DOC2B: variants seen among roughly 807,000 people sequenced by gnomAD.
DOC2B encodes double C2 domain beta.
A neutral mutation model predicts 28.9 loss-of-function variants in DOC2B; 21 were observed. The observed-to-expected ratio is 0.73, with a 90% CI of 0.52 to 1.05. The LOEUF is 1.05. DOC2B is among the 50% of genes least tolerant of loss of function. The pLI is 0.00. For missense variants in DOC2B, 384 were observed against 421.1 expected (o/e 0.91, Z 0.77); for synonymous variants, 194 against 178.1 (o/e 1.09, Z -0.71).
At chr17:177,906 CGGTCCTG>C (rs2040389215) in intron 1 of DOC2B, among the ~76,000 whole-genome samples, 1 of 152,252 alleles carries the variant, frequency 6.6e-6, no homozygotes, top group Admixed American at 6.5e-5. Context: ...GCACAGGCAT[CGGTCCTG>C]ACCCGGTCCT....
At chr17:177,084 A>AAG (rs958555594) in intron 1 of DOC2B, among the ~76,000 whole-genome samples, 1 of 149,062 alleles carries the variant, frequency 6.7e-6, no homozygotes, top group Non-Finnish European at 1.5e-5. Flanking sequence ...CTTTAAAAAA[A>AAG]ACAAAACAAT....
chr17:156,501 G>A (rs947945230), intron 5 of DOC2B, 124 bp from the exon 6 acceptor site: 1 of 1,044,366 alleles, frequency 9.6e-7, no homozygotes, highest in Non-Finnish European at 1.4e-6. Context: ...GGTCCCTGGT[G>A]AGTGGCCTCA....
intron 5 of DOC2B, among the ~76,000 whole-genome samples, chr17:158,264 GC>G (rs925676268): frequency 2.0e-5 from 3 of 151,584 alleles, no homozygotes; most frequent in Non-Finnish European, 4.4e-5. Context: ...TAGGCCCTCA[GC>G]CCCCCCAGAC....
Position 158,026 on chromosome 17 carries a change from C to T in DOC2B, c.766-1649G>A, listed in dbSNP as rs532757944. Among the ~76,000 whole-genome samples, 17 of 152,296 alleles carry T rather than the reference C, an allele frequency of 1.1e-4. 1 individual carries two copies. In the East Asian group the frequency reaches 2.3e-3, roughly 21 times the overall value. On this transcript the variant is annotated intron_variant, in intron 5 of 8. Transcript: ENST00000613549. ...GGATGTGGCTCCCTCAGGAGAACCC[C>T]GAAGACAGAGTTCTGGTACATTCCT...
chr17:163,911 C>A (rs1308638133), intron 3 of DOC2B, among the ~76,000 whole-genome samples: 1 of 152,196 alleles, frequency 6.6e-6, no homozygotes, highest in Non-Finnish European at 1.5e-5. Context: ...CTCGTGAGGT[C>A]CCCAGGAGGC....
chr17:172,421 C>A, intron 2 of DOC2B, 116 bp downstream of exon 2: 2 of 814,418 alleles, frequency 2.5e-6, no homozygotes, highest in Admixed American at 5.3e-5. Context: ...CCACACAGCG[C>A]AGACATCCAA....
chr17:149,272 C>T lies in DOC2B; in HGVS notation c.924-80G>A, dbSNP rs1047404023. ...ATCAAGCCAGCAGGTATTCAAAGAG[C>T]TTTCTGTCCCTGGAGAGAGATTCCT... On this transcript the variant is annotated intron_variant, in intron 6 of 8. Transcript: ENST00000613549. 4.8e-5 allele frequency: 19 copies of T among 398,746 alleles called. No individual in the cohort carries two copies. The South Asian group carries it at 1.5e-3, about 32-fold the overall frequency. The allele number at this position is 398,746 out of a possible 1,614,324, so 24.7% of individuals were successfully genotyped here.
intron 5 of DOC2B, among the ~76,000 whole-genome samples, chr17:158,344 T>C (rs1233451165): frequency 1.3e-5 from 2 of 151,934 alleles, no homozygotes; most frequent in African/African-American, 4.8e-5. Flanking sequence ...CCCTTAGGAC[T>C]CTACCAGGCT....
intron 1 of DOC2B, among the ~76,000 whole-genome samples, 193 bp from the exon 2 acceptor site, chr17:172,809 A>G (rs1204424385): frequency 6.6e-6 from 1 of 152,068 alleles, no homozygotes; most frequent in African/African-American, 2.4e-5. Flanking sequence ...AAGTCACAAT[A>G]ATCTCCCCAC....
At chr17:155,717 G>A (rs2040126412) in intron 6 of DOC2B, among the ~76,000 whole-genome samples, 2 of 152,206 alleles carry the variant, frequency 1.3e-5, no homozygotes, top group South Asian at 2.1e-4. Context: ...ACCTGGCATG[G>A]CCCCCTGAGT....
At chr17:154,490 C>T (rs1223314704) in intron 6 of DOC2B, among the ~76,000 whole-genome samples, 2 of 152,238 alleles carry the variant, frequency 1.3e-5, no homozygotes, top group African/African-American at 4.8e-5. Flanking sequence ...CAGGGACAGA[C>T]TTCATTTGTG....
At chr17:155,354 G>C (rs2040122602) in intron 6 of DOC2B, among the ~76,000 whole-genome samples, 1 of 152,138 alleles carries the variant, frequency 6.6e-6, no homozygotes, top group Non-Finnish European at 1.5e-5. Flanking sequence ...CCCTAGAGCT[G>C]TGCCACGAGG....
At position 147,350 on chromosome 17, in the gene DOC2B, G is replaced by A. The variant is rs2040026910; in HGVS notation, c.*91C>T. ...AGGGGTTCTGGATCTCCCCCAGTGT[G>A]GGGGCCACAGGCCTTGGTGGCTGCT... On this transcript the variant is annotated 3_prime_UTR_variant, in exon 9 of 9. Transcript: ENST00000613549. The A allele has an allele frequency of 5.0e-6, 2 of 398,096 alleles. No homozygotes were observed. The highest frequency in any genetic ancestry group is 8.9e-6 in the Non-Finnish European group (2 of 225,786). The allele number at this position is 398,096 out of a possible 1,614,324, so 24.7% of individuals were successfully genotyped here. A position where few individuals can be genotyped will look rare whatever the true frequency, so the allele number is the denominator to read the frequency against.
chr17:158,976 G>A (rs918484314), intron 5 of DOC2B, among the ~76,000 whole-genome samples: 7 of 150,488 alleles, frequency 4.7e-5, no homozygotes, highest in South Asian at 4.2e-4. Flanking sequence ...CCCGGGAGGC[G>A]GAGGTTGAAG....
Position 181,119 on chromosome 17 carries a change from A to G in DOC2B, c.361T>C (p.Ser121Pro). ...GTGGGAAACTTACTGCAGTCGTCCG[A>G]CTCGTAGCCGTCGGCGTCCGGCTCG... The part of the protein sequence containing the change: ...EDEPDADGYE[S>P]DDCTALGTLD... Residue 121 changes from serine to proline, a missense_variant, in exon 1 of 9, where the codon TCG (serine) becomes CCG (proline). Transcript: ENST00000613549. This position sits in a 1 kb window ranked among gnomAD's most constrained non-coding sequence, Gnocchi z 7.0. The G allele has an allele frequency of 8.0e-7, 1 of 1,250,680 alleles. No individual in the cohort carries two copies. Among genetic ancestry groups the G allele is most frequent in the East Asian group, 3.2e-5 (1 of 31,048 alleles). 77.5% of individuals were successfully genotyped at this position (1,250,680 alleles called of 1,614,324 possible).
chr17:148,439 G>A (rs1242843293), intron 7 of DOC2B, among the ~76,000 whole-genome samples, 170 bp from the exon 8 acceptor site: 2 of 152,024 alleles, frequency 1.3e-5, no homozygotes, highest in African/African-American at 2.4e-5. Flanking sequence ...AGCTCCACTG[G>A]GGTCTTCAGG....
At chr17:150,091 A>G (rs1258852530) in intron 6 of DOC2B, among the ~76,000 whole-genome samples, 1 of 152,212 alleles carries the variant, frequency 6.6e-6, no homozygotes, top group Non-Finnish European at 1.5e-5. Flanking sequence ...GCCCAAGGTC[A>G]CACAGCCTGC....
intron 3 of DOC2B, among the ~76,000 whole-genome samples, chr17:163,283 T>A (rs7214406): frequency 2.9e-4 from 44 of 152,060 alleles, no homozygotes; most frequent in African/African-American, 8.4e-4. Flanking sequence ...ATCAAGACCC[T>A]GTGTGGGGAG....
At chr17:156,577 C>A (rs1238188631) in intron 5 of DOC2B, among the ~76,000 whole-genome samples, 200 bp from the exon 6 acceptor site, 3 of 152,164 alleles carry the variant, frequency 2.0e-5, no homozygotes, top group African/African-American at 7.2e-5. Flanking sequence ...TGGATCTGAC[C>A]CACACCCTCC....
Sources: allele counts gnomAD v4.1 joint callset (sites outside exome capture counted in the v4.1 genomes callset), GRCh38; gene constraint gnomAD v4.1.1; non-coding constraint Gnocchi (gnomAD v3.1); transcripts MANE v1.5; gene names NCBI Gene and HGNC (gene_info 2026-07-23, HGNC 2026-07-21).